The following RBFOX1 variants were observed in gnomAD, a reference collection of about 807,000 sequenced individuals.
RBFOX1 encodes RNA binding fox-1 homolog 1, also known as RNA binding protein fox-1 homolog 1.
Under a neutral mutation model 57.7 loss-of-function variants are expected in RBFOX1, and 8 were observed. The ratio of observed to expected loss-of-function variants is 0.14; its 90% CI spans 0.08 to 0.25. The LOEUF (loss-of-function observed/expected upper bound fraction) is 0.25. RBFOX1 is among the 10% of genes least tolerant of loss of function. RBFOX1 has a pLI of 1.00. For missense variants in RBFOX1, 611 were observed against 548.5 expected, an observed-to-expected ratio of 1.11 and a Z score of -1.14; for synonymous variants, 326 against 222.4, an observed-to-expected ratio of 1.47 and a Z score of -4.15.
chr16:7,626,716 T>A (rs1032107544), intron 10 of RBFOX1, among the ~76,000 whole-genome samples: 2 of 151,812 alleles, frequency 1.3e-5, no homozygotes, highest in African/African-American at 4.9e-5. Flanking sequence ...TGTAAATCTA[T>A]TTGAACTTCA....
intron 4 of RBFOX1, among the ~76,000 whole-genome samples, chr16:7,208,031 C>T (rs777566990): frequency 6.6e-6 from 1 of 152,156 alleles, no homozygotes; most frequent in South Asian, 2.1e-4. Context: ...CGCATGGTAT[C>T]TTCTCTGGAA....
chr16:5,459,711 G>A (rs141374678), intron 1 of RBFOX1, among the ~76,000 whole-genome samples: 2 of 152,036 alleles, frequency 1.3e-5, no homozygotes, highest in African/African-American at 4.8e-5. Flanking sequence ...CCGACTCACA[G>A]CACACATACA....
chr16:7,698,190 G>GTC (rs2079424509), intron 14 of RBFOX1, among the ~76,000 whole-genome samples: 1 of 38,936 alleles, frequency 2.6e-5, no homozygotes, highest in African/African-American at 6.6e-5. Flanking sequence ...GAGGGTGTGT[G>GTC]TGTGTGTGTG....
rs142086762 is a variant in RBFOX1, at chr16:6,980,888, C to G, written c.-15-71169C>G. On this transcript the variant is annotated intron_variant, in intron 3 of 15. Transcript: ENST00000550418. ...TGAAACCCCATCTGTACTAAAAATA[C>G]AAAAATTAGCTGGGCATGGTGGTGT... 3.7e-3 allele frequency among the ~76,000 whole-genome samples: 555 copies of G among 151,814 alleles called. 8 individuals are homozygous for G. The highest frequency in any genetic ancestry group is 0.013 in the African/African-American group (532 of 41,352).
intron 3 of RBFOX1, among the ~76,000 whole-genome samples, chr16:6,922,418 C>G (rs1485887685): frequency 1.3e-5 from 2 of 152,184 alleles, no homozygotes; most frequent in South Asian, 4.1e-4. Flanking sequence ...GGTTTTTGCT[C>G]TCTGCAGTGA....
At chr16:6,775,787 T>C (rs919198326) in intron 3 of RBFOX1, 6 of 152,188 alleles carry the variant, frequency 3.9e-5, no homozygotes, top group African/African-American at 1.4e-4. Context: ...TGTGAACAAA[T>C]GCGTGAACCA....
At chr16:6,874,646 A>T (rs184357330) in intron 3 of RBFOX1, among the ~76,000 whole-genome samples, 1 of 152,198 alleles carries the variant, frequency 6.6e-6, no homozygotes, top group Admixed American at 6.5e-5. Flanking sequence ...TCCCACTTAC[A>T]ATGGTTTTCC....
intron 4 of RBFOX1, among the ~76,000 whole-genome samples, chr16:5,952,938 C>G (rs1337786469): frequency 6.6e-6 from 1 of 152,050 alleles, no homozygotes; most frequent in Non-Finnish European, 1.5e-5. Context: ...ATTTAATTTG[C>G]TTTGGTTTTG....
rs78267090 is a variant in RBFOX1 at position 7,301,941 on chromosome 16, A to G, written c.28-216206A>G. 3.3e-5 allele frequency among the ~76,000 whole-genome samples: 5 copies of G among 152,290 alleles called. No homozygotes were observed. In the East Asian group the frequency reaches 9.7e-4, roughly 30 times the overall value. On this transcript the variant is annotated intron_variant, in intron 4 of 15. Transcript: ENST00000550418. ...AAATAAATAAAGGCAGGTAGGAAGT[A>G]AGAGAAGAAAAGAGGGAATTCTTAT... is the stretch of plus-strand genomic sequence containing the variant.
At chr16:5,983,540 T>C (rs1202093335) in intron 4 of RBFOX1, among the ~76,000 whole-genome samples, 1 of 152,132 alleles carries the variant, frequency 6.6e-6, no homozygotes, top group Admixed American at 6.5e-5. Flanking sequence ...AGTTCGGGGA[T>C]CACCACTCTG....
intron 2 of RBFOX1, among the ~76,000 whole-genome samples, chr16:6,641,994 G>C (rs145487068): frequency 3.2e-4 from 48 of 152,232 alleles, no homozygotes; most frequent in African/African-American, 1.1e-3. Context: ...GAAAGCACCA[G>C]GGATTATCCA....
chr16:6,747,445 A>AGTCT lies in RBFOX1; in HGVS notation c.-16+92822_-16+92825dup, dbSNP rs367859716. Among the ~76,000 whole-genome samples the AGTCT allele has an allele frequency of 4.2e-3, 348 of 83,276 alleles. 1 individual carries two copies. Among genetic ancestry groups the AGTCT allele is most frequent in the Middle Eastern group, 0.011 (2 of 184 alleles). The allele number at this position is 83,276 out of a possible 152,430, so 54.6% of individuals were successfully genotyped here. A position where few individuals can be genotyped will look rare whatever the true frequency, so the allele number is the denominator to read the frequency against. ...AAATCTATCAGTCAGTCAGTCAGTTAGTCTGTCTGTCTGTCTGTCTGTCTG... is the reference window on the plus strand; with the variant it reads ...AAATCTATCAGTCAGTCAGTCAGTTAGTCTGTCTGTCTGTCTGTCTGTCTGTCTG... On this transcript the variant is annotated intron_variant, in intron 3 of 15. Coordinates refer to ENST00000550418, the MANE Select transcript of RBFOX1 (RefSeq NM_018723.4).
At chr16:6,324,728 C>G (rs535167324) in intron 2 of RBFOX1, among the ~76,000 whole-genome samples, 2 of 152,256 alleles carry the variant, frequency 1.3e-5, no homozygotes, top group South Asian at 2.1e-4. Flanking sequence ...AGGACACATG[C>G]TCTATATCAA....
At chr16:5,664,565 C>T (rs2049770363) in intron 3 of RBFOX1, among the ~76,000 whole-genome samples, 1 of 152,016 alleles carries the variant, frequency 6.6e-6, no homozygotes, top group Non-Finnish European at 1.5e-5. Context: ...AAGTGGATTC[C>T]TGTTCCTGCT....
intron 2 of RBFOX1, among the ~76,000 whole-genome samples, chr16:5,593,609 C>G (rs1357037145): frequency 6.6e-6 from 1 of 152,170 alleles, no homozygotes; most frequent in Non-Finnish European, 1.5e-5. Context: ...ACACTCCCAC[C>G]AGCGTCATGA....
intron 2 of RBFOX1, among the ~76,000 whole-genome samples, chr16:6,487,689 AAAAAAAAAAAAATATAT>A (rs2095523701): frequency 5.2e-4 from 6 of 11,648 alleles, no homozygotes; most frequent in Non-Finnish European, 6.4e-4. Context: ...AAAAAAAAAA[AAAAAAAAAAAAATATAT>A]ATATATATAT....
intron 4 of RBFOX1, among the ~76,000 whole-genome samples, chr16:5,979,066 C>G (rs972197757): frequency 6.6e-6 from 1 of 152,242 alleles, no homozygotes; most frequent in Non-Finnish European, 1.5e-5. Context: ...AATGGTTTAA[C>G]TGAAACTGGG....
intron 2 of RBFOX1, among the ~76,000 whole-genome samples, chr16:5,469,571 C>T (rs1433776121): frequency 6.6e-6 from 1 of 152,144 alleles, no homozygotes; most frequent in East Asian, 1.9e-4. Flanking sequence ...GGTTTTATTG[C>T]ATTCACAATG....
At chr16:7,285,529 T>C (rs1365386839) in intron 4 of RBFOX1, among the ~76,000 whole-genome samples, 4 of 152,046 alleles carry the variant, frequency 2.6e-5, no homozygotes, top group Non-Finnish European at 5.9e-5. Context: ...TGTTTTTCTT[T>C]TTACAACCAC....
Sources: gnomAD v4.1 joint callset for allele counts (sites outside exome capture counted in the v4.1 genomes callset) on GRCh38, gnomAD v4.1.1 for gene constraint, MANE v1.5 for transcripts, NCBI Gene and HGNC (gene_info 2026-07-23, HGNC 2026-07-21) for gene names.